The following RSRP1 variants were observed in gnomAD, a reference collection of about 807,000 sequenced individuals.
The protein encoded by RSRP1 is arginine and serine rich protein 1.
In RSRP1, 37 loss-of-function variants were observed where a neutral mutation model predicts 33.0. That is an observed-to-expected ratio of 1.12 (90% CI 0.86 to 1.48). The LOEUF (loss-of-function observed/expected upper bound fraction) is 1.48. RSRP1 is among the 40% of genes most tolerant of loss of function. The pLI is 0.00. For missense variants in RSRP1, 402 were observed against 385.3 expected, an observed-to-expected ratio of 1.04 and a Z score of -0.36; for synonymous variants, 167 against 158.7, an observed-to-expected ratio of 1.05 and a Z score of -0.40.
chr1:25,259,665 G>A (rs1640067613), intron 1 of RSRP1, among the ~76,000 whole-genome samples: 1 of 151,940 alleles, frequency 6.6e-6, no homozygotes, highest in African/African-American at 2.4e-5. Context: ...ACCACGCCCA[G>A]CTAATTTTTG....
chr1:25,296,534 C>T (rs551324245), intron 1 of RSRP1, among the ~76,000 whole-genome samples: 1 of 127,884 alleles, frequency 7.8e-6, no homozygotes, highest in African/African-American at 2.7e-5. Context: ...CGTGGGCCAC[C>T]ATAACCGGCC....
rs557378259 is a variant in RSRP1 at position 25,316,505 on chromosome 1, A to G, written c.-67+21473T>C. 5.3e-4 allele frequency among the ~76,000 whole-genome samples: 61 copies of G among 115,984 alleles called. 8 individuals are homozygous for G. Among genetic ancestry groups the G allele is most frequent in the African/African-American group, 1.6e-3 (57 of 34,652 alleles). 76.1% of individuals were successfully genotyped at this position (115,984 alleles called of 152,430 possible). A position where few individuals can be genotyped will look rare whatever the true frequency, so the allele number is the denominator to read the frequency against. On this transcript the variant is annotated intron_variant, in intron 1 of 1. Coordinates refer to the RSRP1 transcript ENST00000561867. ...TATGGTGGCGCATGCCTGTAGTCCCAGCTACTTGAGGCACAAGAATCGCTT... is the reference window on the plus strand; with the variant it reads ...TATGGTGGCGCATGCCTGTAGTCCCGGCTACTTGAGGCACAAGAATCGCTT...
upstream of RSRP1, among the ~76,000 whole-genome samples, chr1:25,251,243 C>T (rs1200417363): frequency 6.6e-6 from 1 of 152,152 alleles, no homozygotes; most frequent in African/African-American, 2.4e-5. Flanking sequence ...TGACTTTAAT[C>T]TGGTGAGACT....
At chr1:25,250,518 G>A (rs182486536), upstream of RSRP1, among the ~76,000 whole-genome samples, 3 of 152,246 alleles carry the variant, frequency 2.0e-5, no homozygotes, top group African/African-American at 7.2e-5. Context: ...CAAACCAATC[G>A]CCTCCCAAAC....
rs1306842603 is a variant in RSRP1 at position 25,279,742 on chromosome 1, T to A, written c.-66-32713A>T. ...TATCTCTCGCTGCTGAACTACCAGG[T>A]TAGACTTCTTTCTGCAAGTCATGAG... On this transcript the variant is annotated intron_variant, in intron 1 of 1. Coordinates refer to the RSRP1 transcript ENST00000561867. Among the ~76,000 whole-genome samples, 5 of 126,890 alleles carry A rather than the reference T, an allele frequency of 3.9e-5. 1 individual carries two copies. 83.2% of individuals were successfully genotyped at this position (126,890 alleles called of 152,430 possible).
At chr1:25,243,793 A>T (rs1639108782) in intron 3 of RSRP1, 160 bp from the exon 4 acceptor site, 1 of 1,373,758 alleles carries the variant, frequency 7.3e-7, no homozygotes, top group Non-Finnish European at 9.4e-7. Context: ...TTTTCCCCTT[A>T]ACAAAACTGA....
Position 25,242,591 on chromosome 1 carries a change from A to C in RSRP1, c.871T>G (p.Ter291GluextTer7). The C allele has an allele frequency of 6.4e-7, 1 of 1,567,630 alleles. No individual in the cohort carries two copies. Among genetic ancestry groups the C allele is most frequent in the Non-Finnish European group, 8.7e-7 (1 of 1,150,164 alleles). ...KSPYGLWIPI[*>E] ...ACTTAGCCATCAGTTTTCTTCTTTT[A>C]GATAGGTATCCACAGTCCATATGGA... The change falls in exon 5 of 5, where the codon TAA (stop) becomes GAA (glutamate). Residue 291 changes from the stop codon to glutamate (E), a stop_lost. Transcript: ENST00000243189.
chr1:25,305,374 A>ATATTTATTTATTTATTTATT (rs34347122), intron 1 of RSRP1, among the ~76,000 whole-genome samples: 1 of 106,702 alleles, frequency 9.4e-6, no homozygotes, highest in African/African-American at 3.1e-5. Context: ...AGGAGTCTGG[A>ATATTTATTTATTTATTTATT]TATTTATTTA....
intron 1 of RSRP1, chr1:25,284,522 A>C (rs767278754): frequency 7.4e-7 from 1 of 1,353,642 alleles, no homozygotes; most frequent in Non-Finnish European, 1.0e-6. Flanking sequence ...ATACCACCCT[A>C]AATCTCGTCT....
At chr1:25,251,938 T>C (rs1046959890), upstream of RSRP1, among the ~76,000 whole-genome samples, 1 of 151,750 alleles carries the variant, frequency 6.6e-6, no homozygotes, top group East Asian at 1.9e-4. Flanking sequence ...TTGCCCAGAC[T>C]GAAGTGCAGT....
intron 1 of RSRP1, among the ~76,000 whole-genome samples, chr1:25,261,549 C>G (rs1218091554): frequency 6.6e-6 from 1 of 151,590 alleles, no homozygotes; most frequent in East Asian, 1.9e-4. Context: ...GGCCTACAGG[C>G]GCCCGCCACC....
intron 1 of RSRP1, among the ~76,000 whole-genome samples, chr1:25,263,503 G>C (rs1640224090): frequency 6.6e-6 from 1 of 151,894 alleles, no homozygotes; most frequent in South Asian, 2.1e-4. Flanking sequence ...CCCCCTTATA[G>C]AGCCATCAGA....
At chr1:25,244,316 CTT>C in intron 3 of RSRP1, 7 of 1,287,832 alleles carry the variant, frequency 5.4e-6, no homozygotes, top group Non-Finnish European at 7.1e-6. Context: ...TAAAAATTGA[CTT>C]TAATACTTTA....
intron 1 of RSRP1, among the ~76,000 whole-genome samples, chr1:25,315,527 C>T (rs28638407): frequency 0.036 from 4,203 of 115,626 alleles, 602 homozygotes; most frequent in African/African-American, 0.12. Context: ...GATGGAGTCT[C>T]GCTGTGTTGC....
At position 25,320,910 on chromosome 1, in the gene RSRP1, A is replaced by T. The variant is rs1221382986; in HGVS notation, c.-67+17068T>A. 1.5e-5 allele frequency among the ~76,000 whole-genome samples: 2 copies of T among 131,210 alleles called. 1 individual carries two copies. The highest frequency in any genetic ancestry group is 5.2e-5 in the African/African-American group (2 of 38,582). The allele number at this position is 131,210 out of a possible 152,430, so 86.1% of individuals were successfully genotyped here. On this transcript the variant is annotated intron_variant, in intron 1 of 1. Transcript: ENST00000561867. Reference sequence around the variant, plus strand: ...TACCAAAAACTGAGCTGGATATGGTAGCACACACCTGTGGTCCCAGCTACT... The same window carrying T: ...TACCAAAAACTGAGCTGGATATGGTTGCACACACCTGTGGTCCCAGCTACT...
In RSRP1 at chr1:25,268,377, G is replaced by A. The variant is rs368350798; in HGVS notation, c.-66-21348C>T. Among the ~76,000 whole-genome samples the A allele has an allele frequency of 1.9e-4, 25 of 131,174 alleles. 7 individuals carry two copies. The highest frequency in any genetic ancestry group is 7.1e-4 in the South Asian group (3 of 4,218). The allele number at this position is 131,174 out of a possible 152,430, so 86.1% of individuals were successfully genotyped here. ...CTACTAAAAATACAAAAATTAGCGC[G>A]GTGTGGTGGCTCATGCCTGTAGTCC... On this transcript the variant is annotated intron_variant, in intron 1 of 1. Transcript: ENST00000561867.
intron 1 of RSRP1, among the ~76,000 whole-genome samples, chr1:25,275,017 G>C (rs1557510436): frequency 7.7e-6 from 1 of 129,186 alleles, no homozygotes; most frequent in Non-Finnish European, 1.8e-5. Context: ...GACTGGGTGT[G>C]GTGACTCATG....
chr1:25,291,735 A>G lies in RSRP1; in HGVS notation c.-66-44706T>C, dbSNP rs1440854806. Among the ~76,000 whole-genome samples the G allele has an allele frequency of 9.0e-5, 12 of 132,708 alleles. 5 individuals carry two copies. Among genetic ancestry groups the G allele is most frequent in the Non-Finnish European group, 2.1e-4 (12 of 55,986 alleles). 87.1% of individuals were successfully genotyped at this position (132,708 alleles called of 152,430 possible). On this transcript the variant is annotated intron_variant, in intron 1 of 1. Coordinates refer to the RSRP1 transcript ENST00000561867. The stretch of plus-strand genomic sequence containing the variant: ...TCAGTCAGTGCGTGTCAGTAACTGC[A>G]TATGTCCTCTCATTGGGAGAGCCTG...
chr1:25,311,438 T>C lies in RSRP1; in HGVS notation c.-67+26540A>G, dbSNP rs1292133880. Among the ~76,000 whole-genome samples the C allele has an allele frequency of 1.6e-5, 2 of 128,842 alleles. 1 individual carries two copies. The highest frequency in any genetic ancestry group is 3.7e-5 in the Non-Finnish European group (2 of 54,598). 84.5% of individuals were successfully genotyped at this position (128,842 alleles called of 152,430 possible). A position where few individuals can be genotyped will look rare whatever the true frequency, so the allele number is the denominator to read the frequency against. ...TACCTGGGAGGCTGAGGCAGGAGAA[T>C]GGCATGAACCCGGGAGGCAGAGCTT... On this transcript the variant is annotated intron_variant, in intron 1 of 1. Transcript: ENST00000561867.
Sources: gnomAD v4.1 joint callset for allele counts (sites outside exome capture counted in the v4.1 genomes callset) on GRCh38, gnomAD v4.1.1 for gene constraint, MANE v1.5 for transcripts, NCBI Gene and HGNC (gene_info 2026-07-23, HGNC 2026-07-21) for gene names.